The following QKI variants were observed in gnomAD, a reference collection of about 807,000 sequenced individuals.
The protein encoded by QKI is QKI, KH domain containing RNA binding.
Under a neutral mutation model 39.0 loss-of-function variants are expected in QKI, and 10 were observed. That is an observed-to-expected ratio of 0.26 (90% confidence interval 0.16 to 0.43). QKI has a LOEUF of 0.43. Ranked by LOEUF, QKI falls within the 20% of genes least tolerant of loss-of-function variation. QKI has a pLI of 1.00. For missense variants in QKI, 218 were observed against 428.0 expected (o/e 0.51, Z 4.33); for synonymous variants, 204 against 155.4 (o/e 1.31, Z -2.33).
chr6:163,461,390 CACTT>C (rs1397842966), intron 2 of QKI, among the ~76,000 whole-genome samples: 4 of 152,144 alleles, frequency 2.6e-5, no homozygotes, highest in Non-Finnish European at 5.9e-5. Flanking sequence ...AAAATGCAGG[CACTT>C]TCTTTTATAA....
At chr6:163,467,513 G>A (rs770356560) in intron 2 of QKI, among the ~76,000 whole-genome samples, 1 of 152,072 alleles carries the variant, frequency 6.6e-6, no homozygotes, top group Non-Finnish European at 1.5e-5. Flanking sequence ...TTTTTGTTTT[G>A]TTTTTACATA....
chr6:163,569,802 A>G, intron 7 of QKI: 1 of 985,370 alleles, frequency 1.0e-6, no homozygotes, highest in Non-Finnish European at 1.2e-6. Context: ...AATTGAATAA[A>G]GAAAGCTGTT....
chr6:163,535,141 C>T lies in QKI; in HGVS notation c.546+16C>T. 6.4e-7 allele frequency: 1 copy of T among 1,565,300 alleles called. No individual in the cohort carries two copies. Among genetic ancestry groups the T allele is most frequent in the South Asian group, 1.2e-5 (1 of 80,532 alleles). ...GGTACCTGCAGTAAGTAATAATTTCCAGACCTTAGATTTGGGCCTCGTCCT... is the reference window on the plus strand; with the variant it reads ...GGTACCTGCAGTAAGTAATAATTTCTAGACCTTAGATTTGGGCCTCGTCCT... On this transcript the variant is annotated intron_variant, in intron 4 of 7. Transcript: ENST00000361752.
At chr6:163,470,480 CT>C (rs1792101983) in intron 2 of QKI, among the ~76,000 whole-genome samples, 1 of 151,988 alleles carries the variant, frequency 6.6e-6, no homozygotes. Context: ...TGTCTTTGGC[CT>C]TATATTATTT....
intron 3 of QKI, among the ~76,000 whole-genome samples, chr6:163,499,477 T>A (rs1460830220): frequency 6.6e-6 from 1 of 152,238 alleles, no homozygotes; most frequent in Non-Finnish European, 1.5e-5. Flanking sequence ...CAAGGAAGAC[T>A]AGGACACTTT....
At chr6:163,570,008 A>T in intron 7 of QKI, 1 of 986,288 alleles carries the variant, frequency 1.0e-6, no homozygotes. Flanking sequence ...AGGCCTGGCC[A>T]TTTTCTGGTT....
intron 7 of QKI, chr6:163,570,353 C>G: frequency 2.0e-6 from 2 of 983,114 alleles, no homozygotes; most frequent in African/African-American, 1.7e-5. Context: ...TATACCAAAC[C>G]TATTCATTGT....
At chr6:163,473,770 A>C (rs201260943) in intron 2 of QKI, among the ~76,000 whole-genome samples, 8 of 152,204 alleles carry the variant, frequency 5.3e-5, no homozygotes, top group Non-Finnish European at 1.2e-4. Context: ...GGAAGAAATA[A>C]CAGCCATATA....
At chr6:163,455,458 G>A in intron 2 of QKI, 37 bp downstream of exon 2, 3 of 1,568,014 alleles carry the variant, frequency 1.9e-6, no homozygotes, top group Non-Finnish European at 1.7e-6. Flanking sequence ...ATTTTGTTCT[G>A]CTTCACATAT....
intron 3 of QKI, among the ~76,000 whole-genome samples, chr6:163,480,273 C>G (rs1196334821): frequency 6.6e-6 from 1 of 152,142 alleles, no homozygotes; most frequent in Non-Finnish European, 1.5e-5. Flanking sequence ...CTCTCTCTCT[C>G]TCTCTTTCTT....
Position 163,478,996 on chromosome 6 carries a change from A to G in QKI, c.402+100A>G, listed in dbSNP as rs1418450402. ...CAGATTTTTTTGTGCTTAAAACACT[A>G]TATTCCAGGCCGGGCGCGGTGGCTC... is the stretch of plus-strand genomic sequence containing the variant. On this transcript the variant is annotated intron_variant, in intron 3 of 7. Transcript: ENST00000361752. The G allele has an allele frequency of 8.6e-6, 9 of 1,044,514 alleles. No homozygotes were observed. In the East Asian group the frequency reaches 1.5e-4, roughly 18 times the overall value. The allele number at this position is 1,044,514 out of a possible 1,614,324, so 64.7% of individuals were successfully genotyped here. A position where few individuals can be genotyped will look rare whatever the true frequency, so the allele number is the denominator to read the frequency against.
chr6:163,533,947 C>T (rs1434366047), intron 3 of QKI, among the ~76,000 whole-genome samples: 1 of 152,144 alleles, frequency 6.6e-6, no homozygotes, highest in Non-Finnish European at 1.5e-5. Flanking sequence ...ATTATGCCTG[C>T]TTTATTTTCT....
intron 2 of QKI, among the ~76,000 whole-genome samples, chr6:163,477,257 C>T (rs1248408112): frequency 6.6e-6 from 1 of 152,082 alleles, no homozygotes; most frequent in African/African-American, 2.4e-5. Context: ...CTCAAGTGAT[C>T]CACCCCGTCT....
chr6:163,421,893 C>T (rs528191084), intron 1 of QKI, among the ~76,000 whole-genome samples: 11 of 151,760 alleles, frequency 7.2e-5, no homozygotes, highest in South Asian at 2.1e-4. Context: ...TACAGGCGCC[C>T]GCCACCACGC....
Position 163,563,505 on chromosome 6 carries a change from C to G in QKI, c.720C>G (p.Ala240=). The G allele has an allele frequency of 6.2e-7, 1 of 1,614,184 alleles. No individual in the cohort carries two copies. Among genetic ancestry groups the G allele is most frequent in the Admixed American group, 1.7e-5 (1 of 60,020 alleles). Residue 240 remains alanine (A), a synonymous_variant, in exon 6 of 8, where the codon GCC becomes GCG. Transcript: ENST00000361752. ...TGPAPVLPPA[A]LRTPTPAGPT... ...CTGCGCCGGTTCTCCCACCAGCTGC[C>G]CTGCGTACTCCTACGCCAGCTGGCC...
intron 3 of QKI, among the ~76,000 whole-genome samples, chr6:163,529,678 G>A (rs1215719907): frequency 6.6e-6 from 1 of 152,166 alleles, no homozygotes; most frequent in East Asian, 1.9e-4. Flanking sequence ...TGAGCCTATC[G>A]TGGGAAGTGA....
At chr6:163,505,304 C>T (rs188983986) in intron 3 of QKI, among the ~76,000 whole-genome samples, 1 of 152,324 alleles carries the variant, frequency 6.6e-6, no homozygotes, top group East Asian at 1.9e-4. Context: ...AGAGTCCCCA[C>T]TGGGTCATGG....
intron 2 of QKI, among the ~76,000 whole-genome samples, chr6:163,461,783 T>G (rs1261922514): frequency 6.6e-6 from 1 of 152,166 alleles, no homozygotes. Flanking sequence ...GAGAGCAGTG[T>G]CTCCGGGAGT....
chr6:163,459,327 T>C (rs1304771125), intron 2 of QKI, among the ~76,000 whole-genome samples: 1 of 152,186 alleles, frequency 6.6e-6, no homozygotes, highest in Admixed American at 6.5e-5. Flanking sequence ...TTGGCAATAC[T>C]AGAGATACTT....
Sources: allele counts gnomAD v4.1 joint callset (sites outside exome capture counted in the v4.1 genomes callset), GRCh38; gene constraint gnomAD v4.1.1; transcripts MANE v1.5; gene names NCBI Gene and HGNC (gene_info 2026-07-23, HGNC 2026-07-21).